NRG2: variants seen among roughly 807,000 people sequenced by gnomAD.
NRG2 encodes the protein pro-neuregulin-2, membrane-bound isoform.
In NRG2, 27 loss-of-function variants were observed where a neutral mutation model predicts 73.9. That is an observed-to-expected ratio of 0.37 (90% CI 0.27 to 0.50). NRG2 has a LOEUF of 0.50. Ranked by LOEUF, NRG2 falls within the 20% of genes least tolerant of loss-of-function variation. The probability of loss-of-function intolerance (pLI) is 0.96; values close to 1 mark genes in which losing one functional copy is unlikely to be tolerated. For synonymous variants in NRG2, 532 were observed against 541.0 expected, an observed-to-expected ratio of 0.98 and a Z score of 0.23; for missense variants, 1,126 against 1,210.1, an observed-to-expected ratio of 0.93 and a Z score of 1.03.
intron 1 of NRG2, among the ~76,000 whole-genome samples, chr5:139,898,603 A>G (rs1764695127): frequency 6.6e-6 from 1 of 152,210 alleles, no homozygotes; most frequent in Non-Finnish European, 1.5e-5. Flanking sequence ...TCCTCTACCC[A>G]GCCATCACCA....
At chr5:140,038,720 A>G (rs1203967570) in intron 1 of NRG2, among the ~76,000 whole-genome samples, 1 of 152,246 alleles carries the variant, frequency 6.6e-6, no homozygotes, top group Non-Finnish European at 1.5e-5. Context: ...AGAAGACCTC[A>G]AAGATAAGCT....
intron 1 of NRG2, among the ~76,000 whole-genome samples, chr5:140,005,647 G>T (rs1367122103): frequency 6.6e-6 from 1 of 152,212 alleles, no homozygotes; most frequent in Non-Finnish European, 1.5e-5. Flanking sequence ...TCAAAATCAT[G>T]TCCAGAACTG....
chr5:139,997,836 T>C (rs1183287659), intron 1 of NRG2, among the ~76,000 whole-genome samples: 1 of 152,224 alleles, frequency 6.6e-6, no homozygotes, highest in East Asian at 1.9e-4. Context: ...ATGGACATGG[T>C]TCCCCTCTCC....
chr5:139,996,345 TACG>T (rs1758010434), intron 1 of NRG2, among the ~76,000 whole-genome samples: 1 of 152,242 alleles, frequency 6.6e-6, no homozygotes, highest in Non-Finnish European at 1.5e-5. Context: ...ACATGGGGAA[TACG>T]GGAGACCACA....
chr5:140,013,257 T>G (rs1759510603), intron 1 of NRG2, among the ~76,000 whole-genome samples: 1 of 152,194 alleles, frequency 6.6e-6, no homozygotes, highest in African/African-American at 2.4e-5. Context: ...CCAATCCCTC[T>G]ACTTGTGTGC....
In NRG2 at chr5:140,008,154, A is replaced by G. The variant is rs922515057; in HGVS notation, c.700+34216T>C. On this transcript the variant is annotated intron_variant, in intron 1 of 9. Transcript: ENST00000361474. The surrounding 1 kb of genome is among the most constrained non-coding windows in gnomAD (Gnocchi z 4.2). Reference sequence around the variant, plus strand: ...ACATCTACATGTCCCATTTTGCTGCAGCCACTGAGGGTAAGTGCAGAGTCT... The same window carrying G: ...ACATCTACATGTCCCATTTTGCTGCGGCCACTGAGGGTAAGTGCAGAGTCT... 1.3e-5 allele frequency among the ~76,000 whole-genome samples: 2 copies of G among 152,250 alleles called. No homozygotes were observed. Among genetic ancestry groups the G allele is most frequent in the Admixed American group, 6.5e-5 (1 of 15,288 alleles).
Position 139,904,182 on chromosome 5 carries a change from G to T in NRG2, c.701-16671C>A. ...CTCGCACGCAGGCACGCGCGCCCTC[G>T]GTGCCTGTCACCGCGGCGGCCGCTA... is the stretch of plus-strand genomic sequence containing the variant. On this transcript the variant is annotated intron_variant, in intron 1 of 9. Transcript: ENST00000361474. The surrounding 1 kb of genome is among the most constrained non-coding windows in gnomAD (Gnocchi z 6.0). 1 of 975,494 alleles carries T rather than the reference G, an allele frequency of 1.0e-6. No homozygotes were observed. The allele number at this position is 975,494 out of a possible 1,614,324, so 60.4% of individuals were successfully genotyped here. A position where few individuals can be genotyped will look rare whatever the true frequency, so the allele number is the denominator to read the frequency against.
At chr5:139,938,361 A>C (rs1753001885) in intron 1 of NRG2, among the ~76,000 whole-genome samples, 2 of 145,966 alleles carry the variant, frequency 1.4e-5, no homozygotes, top group South Asian at 4.6e-4. Context: ...TGATTTCAAT[A>C]CTTTTTTTTT....
intron 1 of NRG2, among the ~76,000 whole-genome samples, chr5:139,976,500 T>C (rs1756394198): frequency 6.6e-6 from 1 of 152,162 alleles, no homozygotes; most frequent in African/African-American, 2.4e-5. Context: ...GGCCAAACAG[T>C]GGGCTCATTC....
intron 1 of NRG2, among the ~76,000 whole-genome samples, chr5:140,021,432 C>T (rs1046948468): frequency 1.6e-4 from 25 of 152,184 alleles, no homozygotes; most frequent in African/African-American, 6.0e-4. Context: ...CACTGTTTTG[C>T]TAGGAATGGT....
At chr5:139,993,790 G>A (rs1373633958) in intron 1 of NRG2, among the ~76,000 whole-genome samples, 4 of 294 alleles carry the variant, frequency 0.014, no homozygotes, top group Non-Finnish European at 0.027. Context: ...ACTATGTTAC[G>A]CTGATAAAGG....
intron 1 of NRG2, among the ~76,000 whole-genome samples, chr5:139,927,764 CAAA>C (rs67854211): frequency 0.024 from 2,001 of 82,502 alleles, 24 homozygotes; most frequent in African/African-American, 0.049. Flanking sequence ...AACCTTGTCT[CAAA>C]AAAAAAAAAA....
At chr5:139,898,753 C>G (rs1305883276) in intron 1 of NRG2, among the ~76,000 whole-genome samples, 1 of 152,234 alleles carries the variant, frequency 6.6e-6, no homozygotes, top group African/African-American at 2.4e-5. Context: ...CTGCTCAGAA[C>G]CCTTCATTCC....
At position 139,904,452 on chromosome 5, in the gene NRG2, G is replaced by GC. The variant is rs1258792348; in HGVS notation, c.701-16942dup. On this transcript the variant is annotated intron_variant, in intron 1 of 9. Coordinates refer to ENST00000361474, the MANE Select transcript of NRG2 (RefSeq NM_004883.3). The surrounding 1 kb of genome is among the most constrained non-coding windows in gnomAD (Gnocchi z 6.0). Reference sequence around the variant, plus strand: ...CCTCAGCTCTCCGCTGCCGCGCTGCGCCCCCGCCGCCTGCAGCCTCAGTGC... The same window carrying GC: ...CCTCAGCTCTCCGCTGCCGCGCTGCGCCCCCCGCCGCCTGCAGCCTCAGTGC... 1 of 1,072,432 alleles carries GC rather than the reference G, an allele frequency of 9.3e-7. No homozygotes were observed. 66.4% of individuals were successfully genotyped at this position (1,072,432 alleles called of 1,614,324 possible).
At chr5:139,953,630 G>A (rs952446617) in intron 1 of NRG2, among the ~76,000 whole-genome samples, 3 of 152,192 alleles carry the variant, frequency 2.0e-5, no homozygotes, top group Non-Finnish European at 2.9e-5. Flanking sequence ...ACAAGGTACA[G>A]TGGTCACAAC....
chr5:140,031,797 T>C (rs1761178246), intron 1 of NRG2, among the ~76,000 whole-genome samples: 2 of 152,152 alleles, frequency 1.3e-5, no homozygotes, highest in African/African-American at 4.8e-5. Context: ...TGGAAGGGAC[T>C]CAGACTTAAG....
intron 1 of NRG2, among the ~76,000 whole-genome samples, chr5:139,962,599 T>G (rs1755158677): frequency 6.6e-6 from 1 of 152,154 alleles, no homozygotes; most frequent in African/African-American, 2.4e-5. Flanking sequence ...CCAGGGCATT[T>G]GCTCAGACCG....
intron 1 of NRG2, among the ~76,000 whole-genome samples, chr5:139,960,223 T>A (rs1033457111): frequency 6.6e-6 from 1 of 152,100 alleles, no homozygotes; most frequent in Non-Finnish European, 1.5e-5. Flanking sequence ...TGGTTAAAAT[T>A]ATGGCATCGG....
intron 1 of NRG2, among the ~76,000 whole-genome samples, chr5:139,980,228 C>T (rs1272666324): frequency 6.6e-6 from 1 of 152,110 alleles, no homozygotes; most frequent in East Asian, 1.9e-4. Context: ...ACAGGTGAGG[C>T]AGCCCAGCTC....
Sources: gnomAD v4.1 joint callset for allele counts (sites outside exome capture counted in the v4.1 genomes callset) on GRCh38, gnomAD v4.1.1 for gene constraint, Gnocchi (gnomAD v3.1) non-coding constraint, MANE v1.5 for transcripts, NCBI Gene and HGNC (gene_info 2026-07-23, HGNC 2026-07-21) for gene names.